The following DRC11 variants were observed in gnomAD, a reference collection of about 807,000 sequenced individuals.
DRC11 encodes the protein dynein regulatory complex subunit 11.
At chr2:236,435,152 G>A in the DRC11 span, among the ~76,000 whole-genome samples, 1 of 152,224 alleles carries the variant, frequency 6.6e-6, no homozygotes, top group African/African-American at 2.4e-5. Context: ...GCTGACAGCA[G>A]GGTCAGTCAT....
chr2:236,382,373 G>A, the DRC11 span, among the ~76,000 whole-genome samples: 1 of 152,160 alleles, frequency 6.6e-6, no homozygotes, highest in Admixed American at 6.5e-5. Flanking sequence ...TTAAAATTGA[G>A]TAAATTGGTC....
At chr2:236,398,140 C>G in the DRC11 span, among the ~76,000 whole-genome samples, 1 of 152,298 alleles carries the variant, frequency 6.6e-6, no homozygotes, top group African/African-American at 2.4e-5. The surrounding 1 kb of genome is among the most constrained non-coding windows in gnomAD (Gnocchi z 6.2). Context: ...AAACTCCAAG[C>G]CTTGCACGTC....
At chr2:236,430,792 G>A in the DRC11 span, among the ~76,000 whole-genome samples, 1 of 152,214 alleles carries the variant, frequency 6.6e-6, no homozygotes, top group Non-Finnish European at 1.5e-5. The surrounding 1 kb of genome is among the most constrained non-coding windows in gnomAD (Gnocchi z 6.0). Flanking sequence ...CAGTGTAGGA[G>A]TGGCCTGTTT....
the DRC11 span, chr2:236,344,572 G>C: frequency 6.2e-7 from 1 of 1,613,306 alleles, no homozygotes; most frequent in South Asian, 1.1e-5. Context: ...TTTCTGCGTT[G>C]GGAACTTTTT....
At chr2:236,340,805 TGA>T in the DRC11 span, among the ~76,000 whole-genome samples, 1 of 152,178 alleles carries the variant, frequency 6.6e-6, no homozygotes, top group East Asian at 1.9e-4. Flanking sequence ...CCTATCTGGA[TGA>T]CAAACGTTGA....
At chr2:236,364,226 C>T in the DRC11 span, among the ~76,000 whole-genome samples, 1 of 151,932 alleles carries the variant, frequency 6.6e-6, no homozygotes, top group Non-Finnish European at 1.5e-5. Flanking sequence ...CCCTTCTCCC[C>T]CTCTCCACAT....
the DRC11 span, among the ~76,000 whole-genome samples, chr2:236,459,604 T>C: frequency 1.2e-4 from 16 of 134,580 alleles, no homozygotes; most frequent in South Asian, 1.1e-3. Flanking sequence ...CGTATACATA[T>C]ATACGTATAT....
chr2:236,398,704 C>G, the DRC11 span, among the ~76,000 whole-genome samples: 1 of 152,180 alleles, frequency 6.6e-6, no homozygotes, highest in Non-Finnish European at 1.5e-5. The surrounding 1 kb of genome is among the most constrained non-coding windows in gnomAD (Gnocchi z 6.2). Flanking sequence ...CTTGCGGATC[C>G]AGCCAGATGA....
the DRC11 span, chr2:236,465,453 C>A: frequency 6.8e-7 from 1 of 1,464,802 alleles, no homozygotes; most frequent in Non-Finnish European, 9.5e-7. The surrounding 1 kb of genome is among the most constrained non-coding windows in gnomAD (Gnocchi z 6.2). Flanking sequence ...CATACAATAA[C>A]CTCAGCCACT....
At chr2:236,374,604 G>A in the DRC11 span, among the ~76,000 whole-genome samples, 7 of 152,214 alleles carry the variant, frequency 4.6e-5, no homozygotes, top group African/African-American at 1.7e-4. Flanking sequence ...GGCAAAGGCG[G>A]AGCAAGATGT....
the DRC11 span, among the ~76,000 whole-genome samples, chr2:236,439,754 G>T: frequency 4.6e-5 from 7 of 151,906 alleles, no homozygotes; most frequent in Non-Finnish European, 7.4e-5. Flanking sequence ...TTCACCAATC[G>T]TTCTGATAGC....
the DRC11 span, among the ~76,000 whole-genome samples, chr2:236,349,214 C>G: frequency 3.9e-5 from 6 of 152,128 alleles, no homozygotes; most frequent in South Asian, 6.2e-4. This position sits in a 1 kb window ranked among gnomAD's most constrained non-coding sequence, Gnocchi z 5.5. Flanking sequence ...GCACTGCTGC[C>G]AAGGGATGGA....
At chr2:236,422,373 C>A in the DRC11 span, among the ~76,000 whole-genome samples, 2 of 152,220 alleles carry the variant, frequency 1.3e-5, no homozygotes, top group Non-Finnish European at 2.9e-5. Context: ...GATACAAAAT[C>A]AATGTGCAAA....
chr2:236,478,681 T>C, the DRC11 span, among the ~76,000 whole-genome samples: 4 of 152,140 alleles, frequency 2.6e-5, no homozygotes, highest in African/African-American at 7.2e-5. The surrounding 1 kb of genome is among the most constrained non-coding windows in gnomAD (Gnocchi z 5.9). Flanking sequence ...TCCCTTTAGG[T>C]TGATTTAATG....
At chr2:236,363,677 T>G in the DRC11 span, 22 of 901,476 alleles carry the variant, frequency 2.4e-5, no homozygotes, top group Admixed American at 6.4e-5. This position sits in a 1 kb window ranked among gnomAD's most constrained non-coding sequence, Gnocchi z 5.6. Flanking sequence ...ATGAGGAAAT[T>G]TAAGACAGTC....
the DRC11 span, among the ~76,000 whole-genome samples, chr2:236,383,766 A>G: frequency 6.6e-6 from 1 of 151,992 alleles, no homozygotes; most frequent in African/African-American, 2.4e-5. Flanking sequence ...TGCACCCACT[A>G]ACGCATCATC....
At chr2:236,459,624 CATACGTAT>C in the DRC11 span, among the ~76,000 whole-genome samples, 492 of 82,676 alleles carry the variant, frequency 6.0e-3, 12 homozygotes, top group African/African-American at 0.02. Flanking sequence ...TAAGTATATA[CATACGTAT>C]ATACGTATAT....
chr2:236,422,821 C>T, the DRC11 span, among the ~76,000 whole-genome samples: 3 of 151,784 alleles, frequency 2.0e-5, no homozygotes, highest in East Asian at 5.8e-4. Context: ...GCTACAGTAA[C>T]CAAAACAGCA....
the DRC11 span, among the ~76,000 whole-genome samples, chr2:236,386,596 A>G: frequency 6.6e-6 from 1 of 151,690 alleles, no homozygotes; most frequent in Non-Finnish European, 1.5e-5. Context: ...AATTTTGTTG[A>G]TCCTTTCAAA....
Sources: gnomAD v4.1 joint callset for allele counts (sites outside exome capture counted in the v4.1 genomes callset) on GRCh38, gnomAD v4.1.1 for gene constraint, Gnocchi (gnomAD v3.1) non-coding constraint, MANE v1.5 for transcripts, NCBI Gene and HGNC (gene_info 2026-07-23, HGNC 2026-07-21) for gene names.